Variants in MLLT10 observed in about 807,000 individuals in gnomAD.
MLLT10 encodes the protein protein AF-10.
In MLLT10, 30 loss-of-function variants were observed where a neutral mutation model predicts 129.1. The ratio of observed to expected loss-of-function variants is 0.23; its 90% confidence interval spans 0.17 to 0.32. MLLT10 has a LOEUF of 0.32. Ranked by LOEUF, MLLT10 falls within the 10% of genes least tolerant of loss-of-function variation. The pLI, the probability that MLLT10 is intolerant of heterozygous loss-of-function variation, is 1.00. For missense variants in MLLT10, 1,119 were observed against 1,268.3 expected (o/e 0.88, Z 1.79); for synonymous variants, 490 against 446.4 (o/e 1.10, Z -1.23).
In MLLT10 at chr10:21,602,646, T is replaced by C. The variant is rs190845668; in HGVS notation, c.405+7206T>C. 2.2e-4 allele frequency among the ~76,000 whole-genome samples: 34 copies of C among 152,322 alleles called. No homozygotes were observed. In the East Asian group the frequency reaches 2.9e-3, roughly 13 times the overall value. On this transcript the variant is annotated intron_variant, in intron 5 of 22. Transcript: ENST00000307729. ...ATTAATGTTTTCAAATTGGTTTTAG[T>C]TTTTTGAAACTGTTGTTGTGCCATG...
In MLLT10 at chr10:21,632,768, T is replaced by C. The variant is rs115091747; in HGVS notation, c.699+15561T>C. 8.8e-3 allele frequency among the ~76,000 whole-genome samples: 1,345 copies of C among 152,314 alleles called. 12 individuals carry two copies. The highest frequency in any genetic ancestry group is 0.03 in the African/African-American group (1,256 of 41,556). On this transcript the variant is annotated intron_variant, in intron 8 of 22. Coordinates refer to ENST00000307729, the MANE Select transcript of MLLT10 (RefSeq NM_001195626.3). Reference sequence around the variant, plus strand: ...GCTATAAGCAGTGAGAGTGTTATAGTAGATAGATCTGACTTATCTGAGAAG... The same window carrying C: ...GCTATAAGCAGTGAGAGTGTTATAGCAGATAGATCTGACTTATCTGAGAAG...
chr10:21,560,134 T>C (rs1460622270), intron 3 of MLLT10, among the ~76,000 whole-genome samples: 1 of 152,110 alleles, frequency 6.6e-6, no homozygotes, highest in African/African-American at 2.4e-5. Context: ...GTCTCCTGAG[T>C]AGCTGGGATT....
At chr10:21,558,424 C>G (rs1214777882) in intron 3 of MLLT10, among the ~76,000 whole-genome samples, 1 of 152,084 alleles carries the variant, frequency 6.6e-6, no homozygotes, top group African/African-American at 2.4e-5. Context: ...CCACTCTACT[C>G]CAGCCTGGGT....
At chr10:21,682,991 G>A (rs1319027530) in intron 13 of MLLT10, among the ~76,000 whole-genome samples, 1 of 152,040 alleles carries the variant, frequency 6.6e-6, no homozygotes, top group East Asian at 1.9e-4. Context: ...GTTTATGTTC[G>A]ACTCATTTGT....
chr10:21,668,265 A>T (rs1327250953), intron 9 of MLLT10, among the ~76,000 whole-genome samples: 1 of 152,104 alleles, frequency 6.6e-6, no homozygotes, highest in Non-Finnish European at 1.5e-5. Context: ...TCTTGGGCTT[A>T]CTCATAGTGT....
At chr10:21,709,350 G>C (rs867247890) in intron 13 of MLLT10, among the ~76,000 whole-genome samples, 2 of 151,754 alleles carry the variant, frequency 1.3e-5, no homozygotes, top group African/African-American at 4.8e-5. Flanking sequence ...TCCTGCCTCA[G>C]CCTCTCGAGT....
chr10:21,685,155 T>C (rs902987383), intron 13 of MLLT10, among the ~76,000 whole-genome samples: 9 of 152,362 alleles, frequency 5.9e-5, no homozygotes, highest in Admixed American at 2.0e-4. Context: ...TTATCTCACA[T>C]TTGTGAAACT....
intron 21 of MLLT10, among the ~76,000 whole-genome samples, chr10:21,736,079 T>C (rs2058339851): frequency 6.6e-6 from 1 of 152,096 alleles, no homozygotes; most frequent in Admixed American, 6.5e-5. Context: ...GGATTAAGAA[T>C]TGGAAGGTTT....
At chr10:21,566,275 T>G (rs1191360509) in intron 3 of MLLT10, among the ~76,000 whole-genome samples, 1 of 151,366 alleles carries the variant, frequency 6.6e-6, no homozygotes, top group Non-Finnish European at 1.5e-5. Context: ...TTTTATTTGC[T>G]GTATTTAGGT....
intron 2 of MLLT10, among the ~76,000 whole-genome samples, chr10:21,536,277 C>CT (rs954395138): frequency 2.6e-5 from 4 of 152,092 alleles, no homozygotes; most frequent in African/African-American, 9.7e-5. Context: ...GCATGTCTTG[C>CT]TTTTTTAGGG....
At chr10:21,709,478 GCCT>G (rs1328671202) in intron 13 of MLLT10, among the ~76,000 whole-genome samples, 3 of 152,162 alleles carry the variant, frequency 2.0e-5, no homozygotes, top group Non-Finnish European at 4.4e-5. Context: ...TGATCCACCT[GCCT>G]CGGCCTTCCG....
chr10:21,621,673 G>A (rs1239142114), intron 8 of MLLT10, among the ~76,000 whole-genome samples: 1 of 151,274 alleles, frequency 6.6e-6, no homozygotes, highest in African/African-American at 2.4e-5. Context: ...GGGCAGGGAG[G>A]TCTACTGGGA....
intron 3 of MLLT10, among the ~76,000 whole-genome samples, chr10:21,577,760 C>T (rs1441842122): frequency 7.9e-5 from 12 of 151,552 alleles, no homozygotes; most frequent in South Asian, 6.3e-4. Flanking sequence ...TGTGAGCCAC[C>T]GCACCCAGCC....
At chr10:21,538,768 A>G in intron 2 of MLLT10, 65 bp from the exon 3 acceptor site, 1 of 1,183,788 alleles carries the variant, frequency 8.4e-7, no homozygotes. Context: ...GGGCTTTGAA[A>G]GGGTATTTGA....
intron 5 of MLLT10, among the ~76,000 whole-genome samples, chr10:21,604,722 G>A (rs1589188878): frequency 1.3e-5 from 2 of 152,164 alleles, no homozygotes; most frequent in South Asian, 4.2e-4. Context: ...GAGAAAAGGG[G>A]TTTAAAGCAG....
intron 8 of MLLT10, among the ~76,000 whole-genome samples, chr10:21,626,681 ACTTT>A (rs1564533593): frequency 1.3e-5 from 2 of 152,198 alleles, no homozygotes; most frequent in African/African-American, 4.8e-5. Context: ...GAGCTAGACT[ACTTT>A]CTTCTGTGGC....
Position 21,731,778 on chromosome 10 carries a change from G to T in MLLT10, c.2218+724G>T, listed in dbSNP as rs574659598. On this transcript the variant is annotated intron_variant, in intron 17 of 22. Transcript: ENST00000307729. ...GGTGTAAAATGCAGAGTTAAAATAGGTGGTGGTTAGCTGGAGATGTGGCCT... is the reference window on the plus strand; with the variant it reads ...GGTGTAAAATGCAGAGTTAAAATAGTTGGTGGTTAGCTGGAGATGTGGCCT... Among the ~76,000 whole-genome samples the T allele has an allele frequency of 1.4e-4, 22 of 152,252 alleles. No homozygotes were observed. The South Asian group carries it at 3.1e-3, about 22-fold the overall frequency.
intron 13 of MLLT10, among the ~76,000 whole-genome samples, chr10:21,706,804 C>T (rs1373784639): frequency 6.6e-6 from 1 of 152,042 alleles, no homozygotes; most frequent in Non-Finnish European, 1.5e-5. Context: ...GTTCTTCTGG[C>T]GTCTACTCAT....
intron 9 of MLLT10, among the ~76,000 whole-genome samples, chr10:21,664,353 C>T (rs1246054429): frequency 1.3e-5 from 2 of 150,294 alleles, no homozygotes; most frequent in Non-Finnish European, 3.0e-5. Context: ...TAGAGTCTCC[C>T]TCTGTCCTGG....
Sources: allele counts gnomAD v4.1 joint callset (sites outside exome capture counted in the v4.1 genomes callset), GRCh38; gene constraint gnomAD v4.1.1; transcripts MANE v1.5; gene names NCBI Gene and HGNC (gene_info 2026-07-23, HGNC 2026-07-21).